PHF20: variants seen among roughly 807,000 people sequenced by gnomAD.
PHF20 encodes PHD finger protein 20.
Under a neutral mutation model 113.5 loss-of-function variants are expected in PHF20, and 23 were observed. The observed-to-expected ratio is 0.20, with a 90% CI of 0.15 to 0.29. PHF20 has a LOEUF of 0.29. Among genes scored for constraint, PHF20 ranks in the 10% least tolerant of loss-of-function variants. PHF20 has a pLI of 1.00. For missense variants in PHF20, 943 were observed against 1,219.6 expected (o/e 0.77, Z 3.38); for synonymous variants, 434 against 457.3 (o/e 0.95, Z 0.65).
chr20:35,935,324 C>A (rs116021125), intron 15 of PHF20, among the ~76,000 whole-genome samples: 1 of 152,100 alleles, frequency 6.6e-6, no homozygotes, highest in Admixed American at 6.5e-5. Flanking sequence ...TACAGAAATG[C>A]CAGTGTTCCT....
intron 1 of PHF20, among the ~76,000 whole-genome samples, chr20:35,776,526 T>A (rs945385672): frequency 5.3e-4 from 81 of 152,198 alleles, no homozygotes; most frequent in African/African-American, 1.4e-3. Flanking sequence ...TTTCAAAAAA[T>A]TTTTTTGGAG....
intron 9 of PHF20, among the ~76,000 whole-genome samples, chr20:35,884,979 C>T (rs906234299): frequency 4.6e-5 from 7 of 152,104 alleles, no homozygotes; most frequent in Admixed American, 1.3e-4. Flanking sequence ...TACAGGCACA[C>T]GCCACCACGC....
chr20:35,815,519 T>C (rs2042057410), intron 2 of PHF20, among the ~76,000 whole-genome samples: 1 of 152,048 alleles, frequency 6.6e-6, no homozygotes, highest in African/African-American at 2.4e-5. Context: ...GGCTGGAGTG[T>C]AGCGCGAGTG....
intron 10 of PHF20, among the ~76,000 whole-genome samples, chr20:35,906,730 C>T (rs969899352): frequency 2.0e-5 from 3 of 152,114 alleles, no homozygotes; most frequent in Admixed American, 6.5e-5. Flanking sequence ...TTCTTGTATC[C>T]GATAGGCAGA....
At chr20:35,793,607 CCTTT>C (rs1444786280) in intron 1 of PHF20, among the ~76,000 whole-genome samples, 2 of 151,392 alleles carry the variant, frequency 1.3e-5, no homozygotes, top group African/African-American at 4.9e-5. Flanking sequence ...TCTTGAGAGT[CCTTT>C]CTAACAGCCG....
At position 35,842,663 on chromosome 20, in the gene PHF20, C is replaced by T; in HGVS notation, c.174C>T (p.Phe58=). The change falls in exon 3 of 18, where the codon TTC becomes TTT. Residue 58 remains phenylalanine, a synonymous_variant. Transcript: ENST00000374012. ...GGAACCATCGTTATGATGAGTGGTT[C>T]TGCTGGGACAGTCCTTATTTACGCC... The part of the protein sequence containing the change: ...KRWNHRYDEW[F]CWDSPYLRPL... 6.2e-7 allele frequency: 1 copy of T among 1,613,960 alleles called. No individual in the cohort carries two copies. Among genetic ancestry groups the T allele is most frequent in the Non-Finnish European group, 8.5e-7 (1 of 1,179,864 alleles).
At position 35,801,501 on chromosome 20, in the gene PHF20, G is replaced by T. The variant is rs766341398; in HGVS notation, c.-22G>T. 2 of 1,578,210 alleles carry T rather than the reference G, an allele frequency of 1.3e-6. No homozygotes were observed. Among genetic ancestry groups the T allele is most frequent in the South Asian group, 2.2e-5 (2 of 89,658 alleles). ...AATTGGCTTTTTCAGGAGAATAAAG[G>T]CAGCCCCGTTGATGACTGAAAATGA... On this transcript the variant is annotated 5_prime_UTR_variant, in exon 2 of 18. Coordinates refer to ENST00000374012, the MANE Select transcript of PHF20 (RefSeq NM_016436.5).
chr20:35,797,590 A>G (rs556297919), intron 1 of PHF20, among the ~76,000 whole-genome samples: 1 of 150,042 alleles, frequency 6.7e-6, no homozygotes, highest in East Asian at 1.9e-4. Flanking sequence ...AAATTTTATC[A>G]TCTAGATAAT....
chr20:35,775,196 C>T (rs1414774200), intron 1 of PHF20: 1 of 152,008 alleles, frequency 6.6e-6, no homozygotes, highest in African/African-American at 2.4e-5. Flanking sequence ...TGTTGAAATG[C>T]TGATTCTGAT....
intron 2 of PHF20, among the ~76,000 whole-genome samples, chr20:35,805,059 GC>G: frequency 6.6e-6 from 1 of 150,920 alleles, no homozygotes; most frequent in East Asian, 2.0e-4. Flanking sequence ...GTGCCACCAT[GC>G]CTGGCTATTT....
chr20:35,913,618 G>A (rs2055348444), intron 11 of PHF20, among the ~76,000 whole-genome samples: 1 of 152,224 alleles, frequency 6.6e-6, no homozygotes, highest in South Asian at 2.1e-4. Flanking sequence ...TGAAGGCATC[G>A]AAGTGTAAGC....
At chr20:35,909,292 C>T (rs932485867) in intron 10 of PHF20, among the ~76,000 whole-genome samples, 1 of 151,122 alleles carries the variant, frequency 6.6e-6, no homozygotes, top group Non-Finnish European at 1.5e-5. Context: ...TTCTTTTGCA[C>T]CAACTGAATA....
intron 9 of PHF20, among the ~76,000 whole-genome samples, chr20:35,881,563 GA>G (rs1409377846): frequency 2.1e-5 from 3 of 146,072 alleles, no homozygotes; most frequent in Admixed American, 1.4e-4. Context: ...AAAAGAAAAA[GA>G]AAAAAATATT....
At chr20:35,821,114 G>A (rs1275519571) in intron 2 of PHF20, among the ~76,000 whole-genome samples, 1 of 152,036 alleles carries the variant, frequency 6.6e-6, no homozygotes, top group African/African-American at 2.4e-5. Flanking sequence ...TCATTGAAAG[G>A]TCTTAAACAG....
At chr20:35,812,272 A>G (rs2041992029) in intron 2 of PHF20, among the ~76,000 whole-genome samples, 2 of 152,168 alleles carry the variant, frequency 1.3e-5, no homozygotes, top group Non-Finnish European at 2.9e-5. Flanking sequence ...TTTTCCAGAC[A>G]GGATCCACAT....
chr20:35,803,074 A>T (rs1013840650), intron 2 of PHF20, among the ~76,000 whole-genome samples: 5 of 151,478 alleles, frequency 3.3e-5, no homozygotes, highest in African/African-American at 1.2e-4. Flanking sequence ...CAACATAATG[A>T]AACCCCGTCT....
intron 9 of PHF20, among the ~76,000 whole-genome samples, chr20:35,875,845 G>A (rs2054512222): frequency 6.6e-6 from 1 of 152,190 alleles, no homozygotes; most frequent in Non-Finnish European, 1.5e-5. Flanking sequence ...GACTAGATTA[G>A]AAGCTAACTC....
At chr20:35,820,060 G>T (rs2042141627) in intron 2 of PHF20, among the ~76,000 whole-genome samples, 1 of 152,152 alleles carries the variant, frequency 6.6e-6, no homozygotes, top group Admixed American at 6.6e-5. Flanking sequence ...GTGAATTTAG[G>T]ATTTGAGTCT....
chr20:35,787,296 C>T (rs1450990312), intron 1 of PHF20, among the ~76,000 whole-genome samples: 1 of 151,990 alleles, frequency 6.6e-6, no homozygotes, highest in East Asian at 1.9e-4. Flanking sequence ...TCTCCTGCCT[C>T]AGCCTCTTGA....
Sources: gnomAD v4.1 joint callset for allele counts (sites outside exome capture counted in the v4.1 genomes callset) on GRCh38, gnomAD v4.1.1 for gene constraint, MANE v1.5 for transcripts, NCBI Gene and HGNC (gene_info 2026-07-23, HGNC 2026-07-21) for gene names.